NFATC1: variants seen among roughly 807,000 people sequenced by gnomAD.
NFATC1 encodes nuclear factor of activated T-cells, cytoplasmic 1.
NFATC1 carries 22 observed loss-of-function variants against 76.0 expected under a neutral mutation model. That is an observed-to-expected ratio of 0.29 (90% confidence interval 0.21 to 0.41). The LOEUF is 0.41. NFATC1 is among the 10% of genes least tolerant of loss of function. The pLI is 1.00. For synonymous variants in NFATC1, 704 were observed against 613.1 expected (o/e 1.15, Z -2.19); for missense variants, 1,357 against 1,337.7 (o/e 1.01, Z -0.23).
rs747274475 is a variant in NFATC1 at position 79,467,544 on chromosome 18, G to T, written c.2054G>T (p.Arg685Leu). The change falls in exon 8 of 10, where the codon CGA becomes CTA. Residue 685 changes from arginine (R) to leucine (L), a missense_variant. By Grantham distance (102) the Arg-to-Leu change is moderately radical. Transcript: ENST00000427363. ...TACGTCTGCAACGGGAAGAGAAAGC[G>T]AAGCCAGTACCAGCGTTTCACCTAC... ...SFYVCNGKRK[R>L]SQYQRFTYLP... 3 of 1,613,992 alleles carry T rather than the reference G, an allele frequency of 1.9e-6. No homozygotes were observed. Among genetic ancestry groups the T allele is most frequent in the Middle Eastern group, 1.6e-4 (1 of 6,062 alleles).
Position 79,451,658 on chromosome 18 carries a change from C to G in NFATC1, c.1763-18C>G, listed in dbSNP as rs1214633240. On this transcript the variant is annotated intron_variant, in intron 5 of 9. Coordinates refer to ENST00000427363, the MANE Select transcript of NFATC1 (RefSeq NM_001278669.2). ...CCACTCAGGACAGGCCCTCACTGCC[C>G]CTCTCCTTCTGATGCAGCCCAGCGC... The G allele has an allele frequency of 1.9e-6, 3 of 1,572,284 alleles. No homozygotes were observed. The highest frequency in any genetic ancestry group is 1.4e-5 in the African/African-American group (1 of 73,576).
At chr18:79,450,845 G>A in intron 4 of NFATC1, 109 bp from the exon 5 acceptor site, 2 of 1,398,418 alleles carry the variant, frequency 1.4e-6, no homozygotes, top group Non-Finnish European at 1.9e-6. Context: ...CCAGCTGCCT[G>A]GCACGAGCTC....
intron 6 of NFATC1, among the ~76,000 whole-genome samples, chr18:79,454,490 G>C (rs762055942): frequency 6.6e-6 from 1 of 152,202 alleles, no homozygotes; most frequent in African/African-American, 2.4e-5. Flanking sequence ...GCATTGCGGG[G>C]AGCCGGCCGG....
intron 9 of NFATC1, among the ~76,000 whole-genome samples, chr18:79,525,051 T>C (rs561028439): frequency 1.2e-4 from 14 of 113,290 alleles, no homozygotes; most frequent in African/African-American, 4.5e-4. Flanking sequence ...CCACCGTCGT[T>C]ACCCCTCAGT....
At position 79,524,838 on chromosome 18, in the gene NFATC1, G is replaced by A. The variant is rs1029166064; in HGVS notation, c.2783-2690G>A. ...CAAGGGGAAGCCCCATGGCCATGCCGCTTCCCTTTCACCCTCAGCGACGCG... is the reference window on the plus strand; with the variant it reads ...CAAGGGGAAGCCCCATGGCCATGCCACTTCCCTTTCACCCTCAGCGACGCG... On this transcript the variant is annotated intron_variant, in intron 9 of 9. Coordinates refer to ENST00000427363, the MANE Select transcript of NFATC1 (RefSeq NM_001278669.2). This position sits in a 1 kb window ranked among gnomAD's most constrained non-coding sequence, Gnocchi z 7.2. Among the ~76,000 whole-genome samples, 9 of 151,968 alleles carry A rather than the reference G, an allele frequency of 5.9e-5. No homozygotes were observed. The highest frequency in any genetic ancestry group is 2.9e-5 in the Non-Finnish European group (2 of 67,950).
chr18:79,445,408 A>G (rs8096475), intron 3 of NFATC1, among the ~76,000 whole-genome samples: 62,217 of 151,854 alleles, frequency 0.41, 12,995 homozygotes, highest in African/African-American at 0.47. Context: ...ACGTCCTCCC[A>G]TGACAGATGC....
intron 9 of NFATC1, among the ~76,000 whole-genome samples, chr18:79,520,612 T>TG (rs535436795): frequency 7.6e-5 from 4 of 52,858 alleles, no homozygotes; most frequent in East Asian, 6.6e-4. Context: ...TGTGTGTGTG[T>TG]GGGGGGGGCA....
At chr18:79,521,924 G>A (rs1384721860) in intron 9 of NFATC1, among the ~76,000 whole-genome samples, 7 of 120,512 alleles carry the variant, frequency 5.8e-5, no homozygotes, top group African/African-American at 6.6e-5. Flanking sequence ...GTGTGGGGGC[G>A]TCTGCTGATG....
At chr18:79,508,995 G>A (rs2090182825) in intron 9 of NFATC1, among the ~76,000 whole-genome samples, 1 of 152,162 alleles carries the variant, frequency 6.6e-6, no homozygotes, top group Non-Finnish European at 1.5e-5. Flanking sequence ...GAGTGGACAG[G>A]GTTGTCGGTC....
chr18:79,471,831 G>A (rs940419862), intron 8 of NFATC1, among the ~76,000 whole-genome samples: 1 of 152,248 alleles, frequency 6.6e-6, no homozygotes. Flanking sequence ...CTTCACCAGG[G>A]GTGGGCGTGG....
At chr18:79,419,449 CT>C (rs1472905987) in intron 2 of NFATC1, among the ~76,000 whole-genome samples, 1 of 144,188 alleles carries the variant, frequency 6.9e-6, no homozygotes, top group Non-Finnish European at 1.5e-5. Flanking sequence ...GGGAGCCCCC[CT>C]AGGAGGGCCG....
intron 2 of NFATC1, among the ~76,000 whole-genome samples, chr18:79,428,645 G>A (rs778335296): frequency 6.6e-6 from 1 of 152,228 alleles, no homozygotes; most frequent in Admixed American, 6.5e-5. Flanking sequence ...TGATTAGATT[G>A]TTTCTGAATA....
At chr18:79,452,364 G>A (rs547540472) in intron 6 of NFATC1, among the ~76,000 whole-genome samples, 2 of 152,348 alleles carry the variant, frequency 1.3e-5, no homozygotes, top group East Asian at 3.9e-4. Flanking sequence ...CTGCCTCCAG[G>A]TGTTGCGCTG....
chr18:79,469,859 G>T (rs1237751998), intron 8 of NFATC1: 31 of 985,376 alleles, frequency 3.1e-5, no homozygotes, highest in Non-Finnish European at 3.7e-5. Context: ...CACCCCACCT[G>T]GTCCTGGGGG....
chr18:79,414,385 C>T (rs2085805711), intron 2 of NFATC1, among the ~76,000 whole-genome samples: 1 of 152,210 alleles, frequency 6.6e-6, no homozygotes, highest in Admixed American at 6.5e-5. Context: ...CCAGAAGGAG[C>T]TTTCTGGTGG....
chr18:79,474,968 C>T (rs1314185859), intron 8 of NFATC1, among the ~76,000 whole-genome samples: 5 of 126,712 alleles, frequency 3.9e-5, no homozygotes, highest in Middle Eastern at 5.0e-3. Context: ...CGCTCACTGT[C>T]GACGTAAACC....
At chr18:79,489,174 A>G (rs1338736020) in intron 9 of NFATC1, among the ~76,000 whole-genome samples, 1 of 152,252 alleles carries the variant, frequency 6.6e-6, no homozygotes, top group Non-Finnish European at 1.5e-5. Context: ...CTGGTGGGCC[A>G]CAGAGGGTGG....
intron 3 of NFATC1, among the ~76,000 whole-genome samples, chr18:79,442,319 C>T (rs569490669): frequency 2.2e-3 from 335 of 152,332 alleles, no homozygotes; most frequent in African/African-American, 7.4e-3. Flanking sequence ...CCACCCTCGC[C>T]GAGGCGTCGG....
chr18:79,441,415 G>C (rs1354423178), intron 3 of NFATC1, among the ~76,000 whole-genome samples: 1 of 152,178 alleles, frequency 6.6e-6, no homozygotes, highest in Non-Finnish European at 1.5e-5. Flanking sequence ...TGATGTGTTT[G>C]AGCCACTGAC....
Sources: allele counts gnomAD v4.1 joint callset (sites outside exome capture counted in the v4.1 genomes callset), GRCh38; gene constraint gnomAD v4.1.1; non-coding constraint Gnocchi (gnomAD v3.1); transcripts MANE v1.5; gene names NCBI Gene and HGNC (gene_info 2026-07-23, HGNC 2026-07-21).